FAM53A: variants seen among roughly 807,000 people sequenced by gnomAD.
FAM53A encodes the protein protein FAM53A.
A neutral mutation model predicts 26.6 loss-of-function variants in FAM53A; 28 were observed. The ratio of observed to expected loss-of-function variants is 1.05; its 90% CI spans 0.78 to 1.45. The LOEUF (loss-of-function observed/expected upper bound fraction) is 1.45, where lower values mean the gene tolerates loss of function less well. Among genes scored for constraint, FAM53A ranks in the 40% most tolerant of loss-of-function variants. The probability of loss-of-function intolerance (pLI) is 0.00; values close to 1 mark genes in which losing one functional copy is unlikely to be tolerated. For missense variants in FAM53A, 650 were observed against 575.8 expected, an observed-to-expected ratio of 1.13 and a Z score of -1.32; for synonymous variants, 290 against 253.1, an observed-to-expected ratio of 1.15 and a Z score of -1.38.
At chr4:1,650,414 CTG>C (rs1365122508) in intron 4 of FAM53A, among the ~76,000 whole-genome samples, 3 of 144,470 alleles carry the variant, frequency 2.1e-5, no homozygotes, top group African/African-American at 5.2e-5. Context: ...TGGTGTTTGA[CTG>C]TGAGGTGGCA....
rs1331995032 is a variant in FAM53A, at chr4:1,641,091, C to G, written c.*202G>C. On this transcript the variant is annotated 3_prime_UTR_variant, in exon 5 of 5. Coordinates refer to ENST00000308132, the MANE Select transcript of FAM53A (RefSeq NM_001174070.3). The stretch of plus-strand genomic sequence containing the variant: ...GGCAGGTGCCGGCGGCAGCCGTGGC[C>G]CCGACCAGCTCACAGGAAACCTACT... 10 of 591,860 alleles carry G rather than the reference C, an allele frequency of 1.7e-5. No individual in the cohort carries two copies. The African/African-American group carries it at 2.1e-4, about 12-fold the overall frequency. The allele number at this position is 591,860 out of a possible 1,614,324, so 36.7% of individuals were successfully genotyped here.
At chr4:1,678,009 CAGG>C (rs924348864) in intron 1 of FAM53A, among the ~76,000 whole-genome samples, 9 of 152,086 alleles carry the variant, frequency 5.9e-5, no homozygotes, top group African/African-American at 2.2e-4. Flanking sequence ...CATGATATTA[CAGG>C]AGAAGAACAA....
intron 1 of FAM53A, among the ~76,000 whole-genome samples, chr4:1,629,691 A>G (rs937590688): frequency 6.6e-6 from 1 of 152,222 alleles, no homozygotes; most frequent in Non-Finnish European, 1.5e-5. Flanking sequence ...CAGGGCTCTC[A>G]GGCCCAGACT....
At chr4:1,647,171 C>A (rs915893130) in intron 4 of FAM53A, among the ~76,000 whole-genome samples, 1 of 151,726 alleles carries the variant, frequency 6.6e-6, no homozygotes, top group African/African-American at 2.4e-5. Context: ...CCCCTCTCTA[C>A]TAAAAATACA....
intron 1 of FAM53A, among the ~76,000 whole-genome samples, chr4:1,625,769 A>C (rs1715270722): frequency 8.4e-6 from 1 of 118,354 alleles, no homozygotes. Context: ...CCACATGGTC[A>C]GGGTCACGCC....
At chr4:1,609,820 A>G in the FAM53A span, among the ~76,000 whole-genome samples, 1 of 151,896 alleles carries the variant, frequency 6.6e-6, no homozygotes, top group African/African-American at 2.4e-5. Context: ...AAAATTAGCC[A>G]GGCATGGTGG....
downstream of FAM53A, among the ~76,000 whole-genome samples, chr4:1,635,800 T>C (rs1715810781): frequency 6.6e-6 from 1 of 151,976 alleles, no homozygotes; most frequent in South Asian, 2.1e-4. Flanking sequence ...TGGTATTGAG[T>C]TGTGGTCAGA....
chr4:1,680,907 G>A (rs1715390761), intron 1 of FAM53A, among the ~76,000 whole-genome samples: 1 of 152,148 alleles, frequency 6.6e-6, no homozygotes, highest in East Asian at 1.9e-4. Context: ...GTTGACAAAG[G>A]TCATTACACA....
At chr4:1,596,388 G>A in the FAM53A span, among the ~76,000 whole-genome samples, 3 of 144,064 alleles carry the variant, frequency 2.1e-5, no homozygotes, top group Non-Finnish European at 4.5e-5. Context: ...AACACAAAGA[G>A]ATCCAGTGCG....
At chr4:1,608,055 T>C in the FAM53A span, among the ~76,000 whole-genome samples, 1 of 152,210 alleles carries the variant, frequency 6.6e-6, no homozygotes, top group Admixed American at 6.5e-5. Context: ...GAGGTCGCAG[T>C]GAGCCGAGAT....
chr4:1,623,116 C>T (rs1196260255), intron 1 of FAM53A, among the ~76,000 whole-genome samples: 2 of 152,230 alleles, frequency 1.3e-5, no homozygotes, highest in Admixed American at 1.3e-4. Flanking sequence ...TGCGGTCCCC[C>T]ACGCTGAGCA....
intron 4 of FAM53A, among the ~76,000 whole-genome samples, chr4:1,645,452 G>A (rs1209421502): frequency 6.6e-6 from 1 of 152,240 alleles, no homozygotes; most frequent in Non-Finnish European, 1.5e-5. Context: ...GAAAAAACTG[G>A]CTGAGTGAGC....
the FAM53A span, among the ~76,000 whole-genome samples, chr4:1,602,026 T>A: frequency 1.7e-5 from 1 of 60,414 alleles, no homozygotes; most frequent in African/African-American, 7.3e-5. Context: ...GGAGGTGGGA[T>A]GGTGGAGGTG....
chr4:1,641,319 C>A lies in FAM53A; in HGVS notation c.1171G>T (p.Asp391Tyr). 6.2e-7 allele frequency: 1 copy of A among 1,612,476 alleles called. No individual in the cohort carries two copies. The highest frequency in any genetic ancestry group is 1.3e-5 in the African/African-American group (1 of 75,004). Reference sequence around the variant, plus strand: ...CAGTTGTTCTCGATCTGCTCCAGGTCCAGCTCCCAGCGGGCCCGGGGGAAG... The same window carrying A: ...CAGTTGTTCTCGATCTGCTCCAGGTACAGCTCCCAGCGGGCCCGGGGGAAG... The part of the protein sequence containing the change: ...GVFPRARWEL[D>Y]LEQIENN Residue 391 changes from aspartate (D) to tyrosine (Y), a missense_variant, in exon 5 of 5, where the codon GAC (aspartate) becomes TAC (tyrosine). Physicochemically the swap from Asp to Tyr is radical, Grantham distance 160 (BLOSUM62 -3). Coordinates refer to ENST00000308132, the MANE Select transcript of FAM53A (RefSeq NM_001174070.3).
At position 1,684,233 on chromosome 4, in the gene FAM53A, C is replaced by T. The variant is rs1364707822; in HGVS notation, c.-165G>A. Reference sequence around the variant, plus strand: ...GGCGCGCTCCGCCCGGGCTCGGTACCTGAGCGCGGCCGCGGGGGTGCGGAG... The same window carrying T: ...GGCGCGCTCCGCCCGGGCTCGGTACTTGAGCGCGGCCGCGGGGGTGCGGAG... On this transcript the variant is annotated splice_region_variant and 5_prime_UTR_variant, in exon 1 of 5. Coordinates refer to ENST00000308132, the MANE Select transcript of FAM53A (RefSeq NM_001174070.3). The T allele has an allele frequency of 1.3e-5, 2 of 151,296 alleles. No individual in the cohort carries two copies. Among genetic ancestry groups the T allele is most frequent in the Non-Finnish European group, 3.0e-5 (2 of 67,660 alleles). The allele number at this position is 151,296 out of a possible 1,614,324, so 9.4% of individuals were successfully genotyped here. A position where few individuals can be genotyped will look rare whatever the true frequency, so the allele number is the denominator to read the frequency against.
chr4:1,660,552 G>A (rs1405912703), intron 2 of FAM53A, among the ~76,000 whole-genome samples: 1 of 151,408 alleles, frequency 6.6e-6, no homozygotes, highest in Admixed American at 6.6e-5. Flanking sequence ...AGTGCACTGC[G>A]CTCCAGCCTG....
chr4:1,667,236 T>C (rs893317057), intron 2 of FAM53A, among the ~76,000 whole-genome samples: 10 of 151,588 alleles, frequency 6.6e-5, no homozygotes, highest in Admixed American at 4.6e-4. Flanking sequence ...GAGACGGAGG[T>C]TGCAGTGAGC....
At chr4:1,638,977 C>T (rs1472974805), downstream of FAM53A, among the ~76,000 whole-genome samples, 1 of 152,202 alleles carries the variant, frequency 6.6e-6, no homozygotes, top group Non-Finnish European at 1.5e-5. Flanking sequence ...GGGGCGAGGC[C>T]CCACCTGCCC....
rs2121457 is a variant in FAM53A at position 1,639,968 on chromosome 4, G to C, written c.*1325C>G. The C allele has an allele frequency of 6.6e-6, 1 of 152,186 alleles. No individual in the cohort carries two copies. The highest frequency in any genetic ancestry group is 1.5e-5 in the Non-Finnish European group (1 of 68,036). 9.4% of individuals were successfully genotyped at this position (152,186 alleles called of 1,614,324 possible). ...TGAAAAACAGGAAATCCCTTGCCTT[G>C]TCTGGTTCTGAGCCAGAGACCAGAG... On this transcript the variant is annotated 3_prime_UTR_variant, in exon 5 of 5. Coordinates refer to ENST00000308132, the MANE Select transcript of FAM53A (RefSeq NM_001174070.3).
Sources: gnomAD v4.1 joint callset for allele counts (sites outside exome capture counted in the v4.1 genomes callset) on GRCh38, gnomAD v4.1.1 for gene constraint, MANE v1.5 for transcripts, NCBI Gene and HGNC (gene_info 2026-07-23, HGNC 2026-07-21) for gene names.